Variants in ERCC8 observed in about 807,000 individuals in gnomAD.
ERCC8 encodes ERCC excision repair 8, CSA ubiquitin ligase complex subunit, also known as DNA excision repair protein ERCC-8.
Under a neutral mutation model 54.9 loss-of-function variants are expected in ERCC8, and 52 were observed. That is an observed-to-expected ratio of 0.95 (90% CI 0.76 to 1.19). The LOEUF is 1.19. ERCC8 is among the 50% of genes most tolerant of loss of function. The pLI, the probability that ERCC8 is intolerant of heterozygous loss-of-function variation, is 0.00. For missense variants in ERCC8, 514 were observed against 466.1 expected (o/e 1.10, Z -0.95); for synonymous variants, 146 against 157.2 (o/e 0.93, Z 0.53).
In ERCC8 at chr5:60,904,634, G is replaced by GTATATATATA. The variant is rs869039109; in HGVS notation, c.481+148_481+157dup. Among the ~76,000 whole-genome samples, 76 of 49,870 alleles carry GTATATATATA rather than the reference G, an allele frequency of 1.5e-3. 1 individual carries two copies. Among genetic ancestry groups the GTATATATATA allele is most frequent in the African/African-American group, 5.1e-3 (60 of 11,830 alleles). The allele number at this position is 49,870 out of a possible 152,430, so 32.7% of individuals were successfully genotyped here. On this transcript the variant is annotated intron_variant, in intron 5 of 11. Coordinates refer to ENST00000676185, the MANE Select transcript of ERCC8 (RefSeq NM_000082.4). ...TTGAATATATATAGTGTGTGTGTGTGTATATATATATATATATATATATAT... is the reference window on the plus strand; with the variant it reads ...TTGAATATATATAGTGTGTGTGTGTGTATATATATATATATATATATATATATATATATAT...
Position 60,874,616 on chromosome 5 carries a change from C to A in ERCC8, c.1190G>T (p.Ter397LeuextTer11), listed in dbSNP as rs1747942027. The change falls in exon 12 of 12, where the codon TGA becomes TTA. Residue 397 changes from the stop codon to leucine (L), a stop_lost. Coordinates refer to ENST00000676185, the MANE Select transcript of ERCC8 (RefSeq NM_000082.4). Reference sequence around the variant, plus strand: ...ACAAAAAGGTACTAAAGATGATATTCATCCTTCTTCATCACTGCTGCTCCA... The same window carrying A: ...ACAAAAAGGTACTAAAGATGATATTAATCCTTCTTCATCACTGCTGCTCCA... ...DAWSSSDEEG[*>L] is the part of the protein sequence containing the mutation. The A allele has an allele frequency of 1.9e-6, 3 of 1,612,702 alleles. No homozygotes were observed. The highest frequency in any genetic ancestry group is 1.1e-5 in the South Asian group (1 of 90,912).
intron 8 of ERCC8, 144 bp from the exon 9 acceptor site, chr5:60,898,544 A>G: frequency 1.2e-6 from 1 of 835,776 alleles, no homozygotes; most frequent in Non-Finnish European, 1.9e-6. Flanking sequence ...AACCCTTCAG[A>G]TTATTTGAAT....
rs1020697596 is a variant in ERCC8 at position 60,871,572 on chromosome 5, A to G, written c.*3043T>C. Among the ~76,000 whole-genome samples, 3 of 152,170 alleles carry G rather than the reference A, an allele frequency of 2.0e-5. No individual in the cohort carries two copies. The highest frequency in any genetic ancestry group is 2.0e-4 in the Admixed American group (3 of 15,284). ...CATCCCATTATGTAAAATTATATGT[A>G]TCATAAGAGATTCATGAAGAATGAC... is the stretch of plus-strand genomic sequence containing the variant. On this transcript the variant is annotated 3_prime_UTR_variant, in exon 12 of 12. Transcript: ENST00000676185.
chr5:60,875,798 G>A (rs946869881), intron 11 of ERCC8, among the ~76,000 whole-genome samples: 1 of 152,072 alleles, frequency 6.6e-6, no homozygotes, highest in Non-Finnish European at 1.5e-5. Flanking sequence ...CCGGGTTCAC[G>A]CCATTGTCCT....
At position 60,890,922 on chromosome 5, in the gene ERCC8, A is replaced by G. The variant is rs1748526666; in HGVS notation, c.1008T>C (p.Thr336=). The G allele has an allele frequency of 6.2e-7, 1 of 1,613,608 alleles. No individual in the cohort carries two copies. The highest frequency in any genetic ancestry group is 8.5e-7 in the Non-Finnish European group (1 of 1,179,694). Residue 336 remains threonine (T), a synonymous_variant, in exon 10 of 12, where the codon ACT becomes ACC. Transcript: ENST00000676185. ...QITMLKGHYK[T]VDCCVFQSNF... is the part of the protein sequence containing the mutation. ...TTGACTGAAATACACAGCAGTCAAC[A>G]GTTTTATAATGTCCCTTAAGCATAG...
intron 1 of ERCC8, among the ~76,000 whole-genome samples, chr5:60,944,304 A>C (rs181994701): frequency 1.5e-4 from 23 of 152,122 alleles, no homozygotes; most frequent in African/African-American, 5.5e-4. Flanking sequence ...TAATCACAAC[A>C]GTTACCTAAC....
intron 4 of ERCC8, among the ~76,000 whole-genome samples, chr5:60,910,141 GC>G (rs1459745653): frequency 6.6e-6 from 1 of 152,106 alleles, no homozygotes; most frequent in African/African-American, 2.4e-5. Flanking sequence ...ATGGGGGTCA[GC>G]TTCCCTAACC....
intron 3 of ERCC8, among the ~76,000 whole-genome samples, chr5:60,919,039 T>C (rs775469167): frequency 7.2e-5 from 11 of 152,042 alleles, no homozygotes; most frequent in Non-Finnish European, 1.3e-4. Flanking sequence ...GTGTGTTACC[T>C]AACTGGATCT....
At position 60,868,214 on chromosome 5, in the gene ERCC8, A is replaced by G. The variant is rs1232372332; in HGVS notation, c.*6401T>C. 6.6e-6 allele frequency among the ~76,000 whole-genome samples: 1 copy of G among 152,200 alleles called. No individual in the cohort carries two copies. The highest frequency in any genetic ancestry group is 1.9e-4 in the East Asian group (1 of 5,196). On this transcript the variant is annotated 3_prime_UTR_variant, in exon 12 of 12. Transcript: ENST00000676185. ...TGCAACCACCATTAACAAACTGTCA[A>G]GGCATAAAAACACGAGCAGCTTAAT...
intron 7 of ERCC8, among the ~76,000 whole-genome samples, chr5:60,900,390 GCCTGGCAAT>G (rs1457444021): frequency 6.6e-6 from 1 of 151,924 alleles, no homozygotes; most frequent in Non-Finnish European, 1.5e-5. Flanking sequence ...AAAGAAAAAT[GCCTGGCAAT>G]CCGACGTGCT....
At chr5:60,881,481 G>T (rs79024544) in intron 11 of ERCC8, among the ~76,000 whole-genome samples, 1 of 152,210 alleles carries the variant, frequency 6.6e-6, no homozygotes, top group Admixed American at 6.5e-5. Flanking sequence ...AGGCCGGCAG[G>T]CCTCCTTGAG....
chr5:60,898,134 C>A, intron 9 of ERCC8, 142 bp downstream of exon 9: 1 of 893,284 alleles, frequency 1.1e-6, no homozygotes, highest in Non-Finnish European at 1.7e-6. Context: ...TTGAGAATTA[C>A]TAGTCCACAT....
At position 60,899,792 on chromosome 5, in the gene ERCC8, C is replaced by T. The variant is rs4647120; in HGVS notation, c.618-65G>A. 16,778 of 1,182,102 alleles carry T rather than the reference C, an allele frequency of 0.014. 1,688 individuals carry two copies. In the African/African-American group the frequency reaches 0.22, roughly 16 times the overall value. 73.2% of individuals were successfully genotyped at this position (1,182,102 alleles called of 1,614,324 possible). A position where few individuals can be genotyped will look rare whatever the true frequency, so the allele number is the denominator to read the frequency against. Reference sequence around the variant, plus strand: ...GACAATGACTGTACCCCTCACCCACCTTTCTAATTTTATGGCACACAGAGG... The same window carrying T: ...GACAATGACTGTACCCCTCACCCACTTTTCTAATTTTATGGCACACAGAGG... On this transcript the variant is annotated intron_variant, in intron 7 of 11. Coordinates refer to ENST00000676185, the MANE Select transcript of ERCC8 (RefSeq NM_000082.4).
Position 60,872,546 on chromosome 5 carries a change from A to G in ERCC8, c.*2069T>C, listed in dbSNP as rs1043743188. On this transcript the variant is annotated 3_prime_UTR_variant, in exon 12 of 12. Transcript: ENST00000676185. ...GCAGATATATGAAAAAATTATCAAC[A>G]TCAGCAGTCACCAGGGAAATGCAAA... 6.6e-6 allele frequency among the ~76,000 whole-genome samples: 1 copy of G among 152,206 alleles called. No individual in the cohort carries two copies. The highest frequency in any genetic ancestry group is 2.4e-5 in the African/African-American group (1 of 41,448).
Position 60,945,064 on chromosome 5 carries a change from C to G in ERCC8, c.-56G>C, listed in dbSNP as rs757590900. 1 of 1,519,324 alleles carries G rather than the reference C, an allele frequency of 6.6e-7. No homozygotes were observed. The highest frequency in any genetic ancestry group is 1.1e-5 in the South Asian group (1 of 89,204). The allele number at this position is 1,519,324 out of a possible 1,614,324, so 94.1% of individuals were successfully genotyped here. The stretch of plus-strand genomic sequence containing the variant: ...ACGTCGCCATGACAGAGCTCAGGGG[C>G]GGGACTGGAACAGCAGAGTCTCCCA... On this transcript the variant is annotated 5_prime_UTR_variant, in exon 1 of 12. Coordinates refer to ENST00000676185, the MANE Select transcript of ERCC8 (RefSeq NM_000082.4).
chr5:60,928,912 T>A lies in ERCC8; in HGVS notation c.125A>T (p.His42Leu). 6.2e-7 allele frequency: 1 copy of A among 1,610,122 alleles called. No individual in the cohort carries two copies. Among genetic ancestry groups the A allele is most frequent in the Non-Finnish European group, 8.5e-7 (1 of 1,177,382 alleles). The change falls in exon 2 of 12, where the codon CAC becomes CTC. Residue 42 changes from histidine (H) to leucine (L), a missense_variant. His to Leu is a moderately conservative substitution (Grantham distance 99). Transcript: ENST00000676185. ...GTCAAGGGTGTTAATTCCACCGCCG[T>A]GGATTCTTTCAACATCTCTGTCTTT... Reference protein sequence around the residue: ...LNKDRDVERIHGGGINTLDIE... With the variant: ...LNKDRDVERILGGGINTLDIE...
chr5:60,935,123 G>A (rs1334465494), intron 1 of ERCC8, among the ~76,000 whole-genome samples: 1 of 152,102 alleles, frequency 6.6e-6, no homozygotes. Flanking sequence ...GATTGTTTTT[G>A]GCAGTATGGT....
intron 9 of ERCC8, chr5:60,893,268 A>T (rs189894368): frequency 1.1e-4 from 110 of 1,018,026 alleles, no homozygotes; most frequent in Non-Finnish European, 7.0e-5. Context: ...AGCTGAGGAA[A>T]CATATTTAAT....
Position 60,890,886 on chromosome 5 carries a change from T to C in ERCC8, c.1041+3A>G. 1 of 1,608,868 alleles carries C rather than the reference T, an allele frequency of 6.2e-7. No homozygotes were observed. The highest frequency in any genetic ancestry group is 1.3e-5 in the African/African-American group (1 of 74,950). ...ACATTTTAAATTCCTGTATCACTCTTACCTGGAAATTTGACTGAAATACAC... is the reference window on the plus strand; with the variant it reads ...ACATTTTAAATTCCTGTATCACTCTCACCTGGAAATTTGACTGAAATACAC... On this transcript the variant is annotated splice_donor_region_variant and intron_variant, in intron 10 of 11. Coordinates refer to ENST00000676185, the MANE Select transcript of ERCC8 (RefSeq NM_000082.4).
Sources: allele counts gnomAD v4.1 joint callset (sites outside exome capture counted in the v4.1 genomes callset), GRCh38; gene constraint gnomAD v4.1.1; transcripts MANE v1.5; gene names NCBI Gene and HGNC (gene_info 2026-07-23, HGNC 2026-07-21).